The following ARHGAP15 variants were observed in gnomAD, a reference collection of about 807,000 sequenced individuals.
ARHGAP15 encodes Rho GTPase activating protein 15.
Under a neutral mutation model 63.7 loss-of-function variants are expected in ARHGAP15, and 51 were observed. The ratio of observed to expected loss-of-function variants is 0.80; its 90% CI spans 0.64 to 1.01. The LOEUF is 1.01. Ranked by LOEUF, ARHGAP15 falls within the 50% of genes least tolerant of loss-of-function variation. The pLI, the probability that ARHGAP15 is intolerant of heterozygous loss-of-function variation, is 0.00. For synonymous variants in ARHGAP15, 191 were observed against 193.8 expected (o/e 0.99, Z 0.12); for missense variants, 560 against 564.6 (o/e 0.99, Z 0.08).
chr2:143,166,062 A>C (rs1558787938), intron 2 of ARHGAP15, among the ~76,000 whole-genome samples: 1 of 151,540 alleles, frequency 6.6e-6, no homozygotes, highest in African/African-American at 2.4e-5. Context: ...AGAAAGAAAG[A>C]AAAAAAATAT....
chr2:143,164,751 C>CT lies in ARHGAP15; in HGVS notation c.165+9106dup, dbSNP rs35246220. Among the ~76,000 whole-genome samples the CT allele has an allele frequency of 9.2e-3, 1,361 of 148,146 alleles. 17 individuals carry two copies. The highest frequency in any genetic ancestry group is 0.014 in the Non-Finnish European group (907 of 66,746). The stretch of plus-strand genomic sequence containing the variant: ...ATCATTATTATTACTACATTGCATG[C>CT]TTTTTTTTTTCTGGAGAAAAAGCAG... On this transcript the variant is annotated intron_variant, in intron 2 of 13. Coordinates refer to ENST00000295095, the MANE Select transcript of ARHGAP15 (RefSeq NM_018460.4).
At chr2:143,252,850 C>T (rs1680226209) in intron 6 of ARHGAP15, among the ~76,000 whole-genome samples, 1 of 152,012 alleles carries the variant, frequency 6.6e-6, no homozygotes, top group South Asian at 2.1e-4. Context: ...AGATGACTTG[C>T]ATCAATATTT....
chr2:143,341,710 A>G (rs747119517), intron 6 of ARHGAP15, among the ~76,000 whole-genome samples: 2 of 152,128 alleles, frequency 1.3e-5, no homozygotes, highest in Non-Finnish European at 2.9e-5. Context: ...TACAACATAT[A>G]GAATGTCTCC....
At chr2:143,631,084 A>G (rs1388245943) in intron 12 of ARHGAP15, among the ~76,000 whole-genome samples, 1 of 152,120 alleles carries the variant, frequency 6.6e-6, no homozygotes, top group African/African-American at 2.4e-5. Context: ...GGAATCATAC[A>G]GTATGCACTC....
chr2:143,759,141 A>ACAAT (rs1686676171), intron 13 of ARHGAP15, among the ~76,000 whole-genome samples: 1 of 152,068 alleles, frequency 6.6e-6, no homozygotes, highest in Non-Finnish European at 1.5e-5. Context: ...CCTGCTCATG[A>ACAAT]CAATCAAAAC....
At chr2:143,365,617 C>G (rs1025520270) in intron 6 of ARHGAP15, among the ~76,000 whole-genome samples, 5 of 152,180 alleles carry the variant, frequency 3.3e-5, no homozygotes, top group Admixed American at 1.3e-4. Context: ...CACAAATCAC[C>G]AGCAAGAAAT....
chr2:143,726,587 C>T (rs1047240596), intron 13 of ARHGAP15, among the ~76,000 whole-genome samples: 6 of 152,172 alleles, frequency 3.9e-5, no homozygotes, highest in South Asian at 2.1e-4. Context: ...TACATGGAGA[C>T]GTTTGATCTA....
intron 11 of ARHGAP15, among the ~76,000 whole-genome samples, chr2:143,583,832 T>G (rs1458978975): frequency 6.6e-6 from 1 of 152,232 alleles, no homozygotes; most frequent in African/African-American, 2.4e-5. Flanking sequence ...ATACTAATTT[T>G]ATAGTTCAAT....
chr2:143,489,540 T>G (rs1284431725), intron 9 of ARHGAP15, among the ~76,000 whole-genome samples: 4 of 152,178 alleles, frequency 2.6e-5, no homozygotes, highest in Non-Finnish European at 4.4e-5. Context: ...ACTAAGTTTT[T>G]GGGTTTTTTT....
intron 11 of ARHGAP15, among the ~76,000 whole-genome samples, chr2:143,570,610 C>G (rs1696410649): frequency 6.6e-6 from 1 of 152,166 alleles, no homozygotes; most frequent in African/African-American, 2.4e-5. Flanking sequence ...GGAGATCAGT[C>G]TCAAAGTGAA....
chr2:143,661,032 G>T (rs1272867830), intron 12 of ARHGAP15, among the ~76,000 whole-genome samples: 1 of 152,098 alleles, frequency 6.6e-6, no homozygotes, highest in Admixed American at 6.5e-5. Flanking sequence ...GTTTCTAGAG[G>T]CCTCCCACAT....
intron 1 of ARHGAP15, among the ~76,000 whole-genome samples, chr2:143,154,790 C>T (rs1452696831): frequency 6.6e-6 from 1 of 151,874 alleles, no homozygotes; most frequent in Non-Finnish European, 1.5e-5. Context: ...ATTGCTGCTC[C>T]TTTAAAGTGT....
chr2:143,203,012 C>A (rs1692182701), intron 3 of ARHGAP15, among the ~76,000 whole-genome samples: 1 of 151,954 alleles, frequency 6.6e-6, no homozygotes, highest in Non-Finnish European at 1.5e-5. Context: ...ATACAATGTG[C>A]TTTTCCTCTA....
intron 13 of ARHGAP15, chr2:143,706,547 A>G (rs926423559): frequency 1.3e-5 from 2 of 152,324 alleles, no homozygotes; most frequent in Non-Finnish European, 1.5e-5. Flanking sequence ...CAGATCAGCT[A>G]TCAACTGGGA....
chr2:143,430,036 C>T (rs192815622), intron 6 of ARHGAP15, among the ~76,000 whole-genome samples: 181 of 152,230 alleles, frequency 1.2e-3, no homozygotes, highest in Non-Finnish European at 2.0e-3. Context: ...GCTTGTTCCT[C>T]ATACAACTTT....
At chr2:143,471,649 C>A (rs1404367438) in intron 8 of ARHGAP15, among the ~76,000 whole-genome samples, 1 of 151,910 alleles carries the variant, frequency 6.6e-6, no homozygotes, top group East Asian at 1.9e-4. Context: ...AGGTATGTTA[C>A]CATGTGGATG....
At chr2:143,450,153 C>CTTT (rs557420934) in intron 8 of ARHGAP15, among the ~76,000 whole-genome samples, 1 of 91,350 alleles carries the variant, frequency 1.1e-5, no homozygotes, top group Non-Finnish European at 2.4e-5. Flanking sequence ...AGGTTTCATG[C>CTTT]TTTTTTTTTT....
intron 12 of ARHGAP15, among the ~76,000 whole-genome samples, chr2:143,679,701 G>A (rs1035322822): frequency 1.1e-4 from 17 of 151,568 alleles, no homozygotes; most frequent in Admixed American, 6.6e-4. Flanking sequence ...GTGTGTGCAA[G>A]CTTAGGTCCT....
At chr2:143,617,718 G>T (rs888456582) in intron 11 of ARHGAP15, among the ~76,000 whole-genome samples, 2 of 152,274 alleles carry the variant, frequency 1.3e-5, no homozygotes, top group Non-Finnish European at 2.9e-5. Context: ...ATATTTTTGG[G>T]TGATATATTT....
Sources: allele counts gnomAD v4.1 joint callset (sites outside exome capture counted in the v4.1 genomes callset), GRCh38; gene constraint gnomAD v4.1.1; transcripts MANE v1.5; gene names NCBI Gene and HGNC (gene_info 2026-07-23, HGNC 2026-07-21).